NIN: variants seen among roughly 807,000 people sequenced by gnomAD.
The protein encoded by NIN is ninein.
A neutral mutation model predicts 257.6 loss-of-function variants in NIN; 137 were observed. The ratio of observed to expected loss-of-function variants is 0.53; its 90% CI spans 0.46 to 0.61. The LOEUF (loss-of-function observed/expected upper bound fraction) is 0.61. Ranked by LOEUF, NIN falls within the 20% of genes least tolerant of loss-of-function variation. NIN has a pLI of 0.00. For missense variants in NIN, 2,439 were observed against 2,501.2 expected, an observed-to-expected ratio of 0.98 and a Z score of 0.53; for synonymous variants, 918 against 919.8, an observed-to-expected ratio of 1.00 and a Z score of 0.04.
intron 29 of NIN, chr14:50,727,552 A>G: frequency 7.8e-7 from 1 of 1,281,506 alleles, no homozygotes; most frequent in Non-Finnish European, 1.0e-6. Flanking sequence ...TTTAACAGTA[A>G]AAATAATAAA....
At chr14:50,801,236 G>A (rs930327770) in intron 4 of NIN, among the ~76,000 whole-genome samples, 11 of 151,654 alleles carry the variant, frequency 7.3e-5, no homozygotes, top group East Asian at 1.9e-4. Flanking sequence ...GATTACAGGC[G>A]CCTGCCACCA....
chr14:50,741,486 G>A, intron 25 of NIN, 96 bp downstream of exon 25: 2 of 936,532 alleles, frequency 2.1e-6, no homozygotes, highest in Admixed American at 4.9e-5. Context: ...ATATTTATAT[G>A]TACATACATA....
chr14:50,829,767 G>C (rs900526549), intron 2 of NIN, among the ~76,000 whole-genome samples: 3 of 152,174 alleles, frequency 2.0e-5, no homozygotes, highest in Non-Finnish European at 4.4e-5. Context: ...CAGGGCTGGG[G>C]TTAGGGAAAT....
rs150403490 is a variant in NIN at position 50,757,233 on chromosome 14, A to T, written c.3797T>A (p.Leu1266Gln). 6 of 1,613,938 alleles carry T rather than the reference A, an allele frequency of 3.7e-6. No homozygotes were observed. Among genetic ancestry groups the T allele is most frequent in the Non-Finnish European group, 5.1e-6 (6 of 1,180,020 alleles). ...SRENDCLQEELRMMETRYDEA... is the reference protein window; with the variant it reads ...SRENDCLQEEQRMMETRYDEA... ...ATCGTAGCGTGTCTCCATCATTCTC[A>T]GCTCTTCCTGAAGGCAGTCATTTTC... The change falls in exon 18 of 31, where the codon CTG (leucine) becomes CAG (glutamine). Residue 1266 changes from leucine (L) to glutamine (Q), a missense_variant. Leu to Gln is a moderately radical substitution (Grantham distance 113). Coordinates refer to ENST00000530997, the MANE Select transcript of NIN (RefSeq NM_020921.4).
At chr14:50,756,235 T>C (rs973173622) in intron 18 of NIN, among the ~76,000 whole-genome samples, 2 of 151,994 alleles carry the variant, frequency 1.3e-5, no homozygotes, top group Admixed American at 6.5e-5. Context: ...AGGATGCACA[T>C]GGTTAAACAG....
At chr14:50,824,893 C>CA (rs1240809474) in intron 2 of NIN, among the ~76,000 whole-genome samples, 1 of 152,202 alleles carries the variant, frequency 6.6e-6, no homozygotes, top group Non-Finnish European at 1.5e-5. Context: ...AAGCCAACAC[C>CA]AACTGCCAAT....
At chr14:50,769,920 G>A (rs1337744477) in intron 12 of NIN, among the ~76,000 whole-genome samples, 1 of 150,740 alleles carries the variant, frequency 6.6e-6, no homozygotes, top group Admixed American at 6.6e-5. Flanking sequence ...TCCAGTCTGG[G>A]TGACAGAGTG....
At chr14:50,818,142 T>C (rs553127728) in intron 3 of NIN, among the ~76,000 whole-genome samples, 1 of 151,634 alleles carries the variant, frequency 6.6e-6, no homozygotes, top group African/African-American at 2.4e-5. Flanking sequence ...GCTAACATGG[T>C]GAAACCCTGT....
At position 50,822,016 on chromosome 14, in the gene NIN, T is replaced by C; in HGVS notation, c.41A>G (p.Lys14Arg). 1.2e-6 allele frequency: 2 copies of C among 1,614,146 alleles called. No homozygotes were observed. Among genetic ancestry groups the C allele is most frequent in the South Asian group, 2.2e-5 (2 of 91,088 alleles). ...CGTGTCAAAACTGTCAAACAGCTCC[T>C]TGAGTCGGGCCTCATGCTGGTCCTG... is the stretch of plus-strand genomic sequence containing the variant. ...VEQDQHEARL[K>R]ELFDSFDTTG... Residue 14 changes from lysine to arginine, a missense_variant, in exon 3 of 31, where the codon AAG (lysine) becomes AGG (arginine). Physicochemically the swap from Lys to Arg is conservative, Grantham distance 26. Around this residue, in one of 3 missense-constraint regions of NIN, gnomAD observed 387 missense variants for 427.3 expected, o/e 0.91. Coordinates refer to ENST00000530997, the MANE Select transcript of NIN (RefSeq NM_020921.4).
chr14:50,825,918 C>A (rs1477849432), intron 2 of NIN, among the ~76,000 whole-genome samples: 1 of 152,214 alleles, frequency 6.6e-6, no homozygotes, highest in Non-Finnish European at 1.5e-5. Flanking sequence ...CAGGGATATA[C>A]AGATAGAATA....
intron 18 of NIN, 96 bp from the exon 19 acceptor site, chr14:50,754,963 T>C: frequency 1.3e-6 from 1 of 778,922 alleles, no homozygotes; most frequent in East Asian, 2.6e-5. Context: ...GAGTATTCAA[T>C]GCCAGTTAAA....
chr14:50,781,064 A>G (rs1252276626), intron 5 of NIN, among the ~76,000 whole-genome samples: 1 of 152,138 alleles, frequency 6.6e-6, no homozygotes, highest in Admixed American at 6.6e-5. Flanking sequence ...CTGTCCCTCC[A>G]CATTTATTTT....
chr14:50,749,794 A>T (rs1292240574), intron 21 of NIN, among the ~76,000 whole-genome samples: 1 of 152,052 alleles, frequency 6.6e-6, no homozygotes, highest in East Asian at 1.9e-4. Context: ...GGCTCAAGCG[A>T]TTCTCCTGCC....
At position 50,806,774 on chromosome 14, in the gene NIN, G is replaced by A. The variant is rs935516014; in HGVS notation, c.228C>T (p.Ser76=). The A allele has an allele frequency of 3.8e-6, 6 of 1,587,366 alleles. No individual in the cohort carries two copies. The highest frequency in any genetic ancestry group is 1.1e-5 in the South Asian group (1 of 89,836). The change falls in exon 4 of 31, where the codon TCC becomes TCT. Residue 76 remains serine, a synonymous_variant. Transcript: ENST00000530997. ...AGTGTTCTTCATTTGACAGAGTTCTGGACAAGATGAGTATTAATGCTTCTT... is the reference window on the plus strand; with the variant it reads ...AGTGTTCTTCATTTGACAGAGTTCTAGACAAGATGAGTATTAATGCTTCTT... ...QFKEALILIL[S]RTLSNEEHFQ...
At chr14:50,763,675 A>G in intron 15 of NIN, 151 bp downstream of exon 15, 1 of 604,886 alleles carries the variant, frequency 1.7e-6, no homozygotes, top group Non-Finnish European at 2.8e-6. Context: ...AAACGAGACC[A>G]CAAGTGAAAC....
intron 18 of NIN, among the ~76,000 whole-genome samples, chr14:50,755,678 T>TAAAAAAAAAAAAAAAAAAAAAAAA (rs767100584): frequency 3.5e-5 from 1 of 28,896 alleles, no homozygotes; most frequent in East Asian, 1.6e-3. Flanking sequence ...TTTTTTTTTT[T>TAAAAAAAAAAAAAAAAAAAAAAAA]AAAAGAGACA....
At chr14:50,776,752 T>C (rs2042938998) in intron 7 of NIN, among the ~76,000 whole-genome samples, 197 bp downstream of exon 7, 2 of 152,194 alleles carry the variant, frequency 1.3e-5, no homozygotes. Flanking sequence ...GCTGGGTAAG[T>C]GTCAGCTCTT....
chr14:50,826,104 A>G (rs574957771), intron 2 of NIN, among the ~76,000 whole-genome samples: 2 of 152,328 alleles, frequency 1.3e-5, no homozygotes, highest in East Asian at 3.9e-4. Context: ...AATCTGTGCA[A>G]TCCAGTGCTT....
At position 50,776,985 on chromosome 14, in the gene NIN, G is replaced by C. The variant is rs758779264; in HGVS notation, c.630C>G (p.Ile210Met). 3.7e-6 allele frequency: 6 copies of C among 1,614,126 alleles called. No individual in the cohort carries two copies. ...GHLNRKKLVS[I>M]CEQYGLQNVD... is the part of the protein sequence containing the mutation. Reference sequence around the variant, plus strand: ...CATTCTGTAAACCATACTGCTCACAGATGGAGACCAGCTTCTTCCGGTTCA... The same window carrying C: ...CATTCTGTAAACCATACTGCTCACACATGGAGACCAGCTTCTTCCGGTTCA... Residue 210 changes from isoleucine (I) to methionine (M), a missense_variant, in exon 7 of 31, where the codon ATC becomes ATG. Physicochemically the swap from Ile to Met is conservative, Grantham distance 10. Coordinates refer to ENST00000530997, the MANE Select transcript of NIN (RefSeq NM_020921.4).
Sources: gnomAD v4.1 joint callset for allele counts (sites outside exome capture counted in the v4.1 genomes callset) on GRCh38, gnomAD v4.1.1 for gene constraint, gnomAD v4.1.1 regional missense constraint, MANE v1.5 for transcripts, NCBI Gene and HGNC (gene_info 2026-07-23, HGNC 2026-07-21) for gene names.